The following FGF6 variants were observed in gnomAD, a reference collection of about 807,000 sequenced individuals.
The protein encoded by FGF6 is FGF-6.
In FGF6, 14 loss-of-function variants were observed where a neutral mutation model predicts 18.4. The observed-to-expected ratio is 0.76, with a 90% CI of 0.50 to 1.19. FGF6 has a LOEUF of 1.19. FGF6 is among the 50% of genes most tolerant of loss of function. The pLI is 0.00. For missense variants in FGF6, 266 were observed against 271.6 expected, an observed-to-expected ratio of 0.98 and a Z score of 0.15; for synonymous variants, 125 against 116.7, an observed-to-expected ratio of 1.07 and a Z score of -0.46.
chr12:4,436,875 C>T (rs573958162), intron 2 of FGF6, among the ~76,000 whole-genome samples: 3 of 152,244 alleles, frequency 2.0e-5, no homozygotes, highest in South Asian at 2.1e-4. Context: ...AATGCCACAC[C>T]GGGGGGTGGG....
rs547061613 is a variant in FGF6 at position 4,441,328 on chromosome 12, C to T, written c.450+2805G>A. Among the ~76,000 whole-genome samples the T allele has an allele frequency of 1.5e-3, 221 of 152,290 alleles. 1 individual carries two copies. Among genetic ancestry groups the T allele is most frequent in the South Asian group, 3.7e-3 (18 of 4,828 alleles). ...TGGCCAGGAACTGGAACTCGGGTCGCGGAGCCCTGAGACGGGGCTGCACAC... is the reference window on the plus strand; with the variant it reads ...TGGCCAGGAACTGGAACTCGGGTCGTGGAGCCCTGAGACGGGGCTGCACAC... On this transcript the variant is annotated intron_variant, in intron 2 of 2. Transcript: ENST00000228837.
rs766991648 is a variant in FGF6, at chr12:4,445,397, C to A, written c.174G>T (p.Leu58=). ...LLDSRGWGTL[L]SRSRAGLAGE... ...CAGCTAGCCCGGCGCGAGACCTGGA[C>A]AGCAGGGTGCCCCAGCCCCTCGAGT... The change falls in exon 1 of 3, where the codon CTG becomes CTT. Residue 58 remains leucine, a synonymous_variant. Transcript: ENST00000228837. This position sits in a 1 kb window ranked among gnomAD's most constrained non-coding sequence, Gnocchi z 5.5. 6.2e-7 allele frequency: 1 copy of A among 1,613,718 alleles called. No homozygotes were observed. The highest frequency in any genetic ancestry group is 8.5e-7 in the Non-Finnish European group (1 of 1,180,000).
chr12:4,439,451 G>A (rs1224729517), intron 2 of FGF6, among the ~76,000 whole-genome samples: 1 of 152,154 alleles, frequency 6.6e-6, no homozygotes, highest in Non-Finnish European at 1.5e-5. Flanking sequence ...GGGAGGAACT[G>A]AGTGACTTGG....
At position 4,444,165 on chromosome 12, in the gene FGF6, C is replaced by A. The variant is rs963085944; in HGVS notation, c.418G>T (p.Ala140Ser). 1 of 1,613,596 alleles carries A rather than the reference C, an allele frequency of 6.2e-7. No individual in the cohort carries two copies. The change falls in exon 2 of 3, where the codon GCC (alanine) becomes TCC (serine). Residue 140 changes from alanine (A) to serine (S), a missense_variant. Transcript: ENST00000228837. ...TACAATCTTCCTTTACTGTTCATGG[C>A]AACGAAGAGGGCACTTCTCACTCCA... ...LFGVRSALFV[A>S]MNSKGRLYAT...
At chr12:4,437,481 G>C (rs894279371) in intron 2 of FGF6, among the ~76,000 whole-genome samples, 1 of 152,164 alleles carries the variant, frequency 6.6e-6, no homozygotes, top group Non-Finnish European at 1.5e-5. Flanking sequence ...TCTGGACCCT[G>C]GTTTCCTGCC....
chr12:4,444,072 C>A, intron 2 of FGF6, 61 bp downstream of exon 2: 1 of 1,084,490 alleles, frequency 9.2e-7, no homozygotes, highest in East Asian at 2.4e-5. Flanking sequence ...ATATTATTTT[C>A]TTCAACTGTG....
Position 4,444,250 on chromosome 12 carries a change from G to T in FGF6, c.347-14C>A, listed in dbSNP as rs759598206. On this transcript the variant is annotated splice_polypyrimidine_tract_variant and intron_variant, in intron 1 of 2. Coordinates refer to ENST00000228837, the MANE Select transcript of FGF6 (RefSeq NM_020996.3). The stretch of plus-strand genomic sequence containing the variant: ...TTTCCAGCAGGCCTGACAAGGAAAG[G>T]GGGGCCACATTACCTAAGGCTTGTG... The T allele has an allele frequency of 6.3e-7, 1 of 1,576,230 alleles. No homozygotes were observed. Among genetic ancestry groups the T allele is most frequent in the Admixed American group, 1.7e-5 (1 of 59,868 alleles).
chr12:4,445,382 G>C lies in FGF6; in HGVS notation c.189C>G (p.Ala63=), dbSNP rs7358740. 1,587,810 of 1,613,836 alleles carry C rather than the reference G, an allele frequency of 0.98. 784,342 individuals are homozygous for C. The highest frequency in any genetic ancestry group is 1 in the East Asian group (44,868 of 44,868). The stretch of plus-strand genomic sequence containing the variant: ...CCCCGGCAATCTCTCCAGCTAGCCC[G>C]GCGCGAGACCTGGACAGCAGGGTGC... ...GWGTLLSRSR[A]GLAGEIAGVN... The change falls in exon 1 of 3, where the codon GCC becomes GCG. Residue 63 remains alanine (A), a synonymous_variant. Transcript: ENST00000228837. The surrounding 1 kb of genome is among the most constrained non-coding windows in gnomAD (Gnocchi z 5.5).
intron 2 of FGF6, among the ~76,000 whole-genome samples, chr12:4,434,743 T>C (rs1865608746): frequency 6.6e-6 from 1 of 152,156 alleles, no homozygotes; most frequent in African/African-American, 2.4e-5. Flanking sequence ...GGTAACTTAT[T>C]CCATTCAAAG....
Position 4,444,212 on chromosome 12 carries a change from T to G in FGF6, c.371A>C (p.Glu124Ala). Residue 124 changes from glutamate (E) to alanine (A), a missense_variant, in exon 2 of 3, where the codon GAG becomes GCG. Physicochemically the swap from Glu to Ala is moderately radical, Grantham distance 107. Transcript: ENST00000228837. ...PYSLLEISTV[E>A]RGVVSLFGVR... ...TCCAAAGAGACTCACCACGCCTCGC[T>G]CCACAGTGGAAATTTCCAGCAGGCC... The G allele has an allele frequency of 6.2e-7, 1 of 1,613,734 alleles. No individual in the cohort carries two copies.
In FGF6 at chr12:4,445,442, A is replaced by G; in HGVS notation, c.129T>C (p.Arg43=). ...TCGAGTCCAGCAGCGTGTTGTTGGC[A>G]CGGGTGCCTGCAGGCGAGGGCACCA... ...GMVVPSPAGT[R]ANNTLLDSRG... is the part of the protein sequence containing the mutation. The change falls in exon 1 of 3, where the codon CGT becomes CGC. Residue 43 remains arginine, a synonymous_variant. Coordinates refer to ENST00000228837, the MANE Select transcript of FGF6 (RefSeq NM_020996.3). This position sits in a 1 kb window ranked among gnomAD's most constrained non-coding sequence, Gnocchi z 5.5. 6.2e-7 allele frequency: 1 copy of G among 1,613,338 alleles called. No homozygotes were observed. Among genetic ancestry groups the G allele is most frequent in the Non-Finnish European group, 8.5e-7 (1 of 1,180,006 alleles).
chr12:4,438,777 A>T (rs866345499), intron 2 of FGF6, among the ~76,000 whole-genome samples: 1 of 150,666 alleles, frequency 6.6e-6, no homozygotes, highest in Admixed American at 6.6e-5. Context: ...AAAAAAAAAA[A>T]AGAGGAGTAA....
At chr12:4,437,528 G>C (rs1407025565) in intron 2 of FGF6, among the ~76,000 whole-genome samples, 1 of 152,154 alleles carries the variant, frequency 6.6e-6, no homozygotes, top group Non-Finnish European at 1.5e-5. Flanking sequence ...GGGCAAGCTT[G>C]GGAGCAGCAG....
At position 4,445,187 on chromosome 12, in the gene FGF6, AC is replaced by A. The variant is rs1275257373; in HGVS notation, c.346+37del. The A allele has an allele frequency of 6.5e-7, 1 of 1,548,672 alleles. No homozygotes were observed. Among genetic ancestry groups the A allele is most frequent in the Non-Finnish European group, 8.8e-7 (1 of 1,141,574 alleles). The stretch of plus-strand genomic sequence containing the variant: ...ACCTTTTAGCCCTGCATGAGCCCAA[AC>A]CCCCAAGCGTCCCGACTGGCTGCAG... On this transcript the variant is annotated intron_variant, in intron 1 of 2. Transcript: ENST00000228837. The surrounding 1 kb of genome is among the most constrained non-coding windows in gnomAD (Gnocchi z 5.5).
chr12:4,445,684 G>T lies in FGF6; in HGVS notation c.-114C>A. The T allele has an allele frequency of 1.1e-6, 1 of 875,544 alleles. No homozygotes were observed. The highest frequency in any genetic ancestry group is 1.7e-6 in the Non-Finnish European group (1 of 587,370). The allele number at this position is 875,544 out of a possible 1,614,324, so 54.2% of individuals were successfully genotyped here. A position where few individuals can be genotyped will look rare whatever the true frequency, so the allele number is the denominator to read the frequency against. On this transcript the variant is annotated 5_prime_UTR_variant, in exon 1 of 3. Coordinates refer to ENST00000228837, the MANE Select transcript of FGF6 (RefSeq NM_020996.3). The surrounding 1 kb of genome is among the most constrained non-coding windows in gnomAD (Gnocchi z 5.5). Reference sequence around the variant, plus strand: ...GCTTATTTTTGGAAGGCAGATGAAGGCTGCTGACATGAAACCAAAGCCTCC... The same window carrying T: ...GCTTATTTTTGGAAGGCAGATGAAGTCTGCTGACATGAAACCAAAGCCTCC...
At chr12:4,444,272 T>C (rs1486683673) in intron 1 of FGF6, 36 bp from the exon 2 acceptor site, 1 of 1,437,574 alleles carries the variant, frequency 7.0e-7, no homozygotes. Context: ...ACCTAAGGCT[T>C]GTGCAAATCA....
chr12:4,443,603 G>A (rs1216559822), intron 2 of FGF6, among the ~76,000 whole-genome samples: 3 of 152,180 alleles, frequency 2.0e-5, no homozygotes, highest in Non-Finnish European at 4.4e-5. Flanking sequence ...ATAACGGGTA[G>A]GCTGCTTCTC....
At chr12:4,436,389 G>A (rs940911391) in intron 2 of FGF6, among the ~76,000 whole-genome samples, 9 of 152,046 alleles carry the variant, frequency 5.9e-5, no homozygotes, top group Non-Finnish European at 1.2e-4. Context: ...GGAGGCCAAG[G>A]CAGGAGGATC....
In FGF6 at chr12:4,445,229, G is replaced by C. The variant is rs1308667388; in HGVS notation, c.342C>G (p.Pro114=). The change falls in exon 1 of 3, where the codon CCC becomes CCG. Residue 114 remains proline, a synonymous_variant. Coordinates refer to ENST00000228837, the MANE Select transcript of FGF6 (RefSeq NM_020996.3). The surrounding 1 kb of genome is among the most constrained non-coding windows in gnomAD (Gnocchi z 5.5). ...GRISGTHEEN[P]YSLLEISTVE... is the part of the protein sequence containing the mutation. ...CTGGCTGCAGCTGGCACTCACTGTA[G>C]GGGTTCTCCTCGTGGGTCCCGCTGA... 6.2e-7 allele frequency: 1 copy of C among 1,607,298 alleles called. No individual in the cohort carries two copies. The highest frequency in any genetic ancestry group is 8.5e-7 in the Non-Finnish European group (1 of 1,177,246).
Sources: gnomAD v4.1 joint callset for allele counts (sites outside exome capture counted in the v4.1 genomes callset) on GRCh38, gnomAD v4.1.1 for gene constraint, Gnocchi (gnomAD v3.1) non-coding constraint, MANE v1.5 for transcripts, NCBI Gene and HGNC (gene_info 2026-07-23, HGNC 2026-07-21) for gene names.